The following HMGN5 variants were observed in gnomAD, a reference collection of about 807,000 sequenced individuals.
The protein encoded by HMGN5 is high mobility group nucleosome-binding domain-containing protein 5.
Under a neutral mutation model 9.5 loss-of-function variants are expected in HMGN5, and 4 were observed. The observed-to-expected ratio is 0.42, with a 90% confidence interval of 0.21 to 0.96. The LOEUF is 0.96. Among genes scored for constraint, HMGN5 ranks in the 40% least tolerant of loss-of-function variants. The pLI is 0.30. For missense variants in HMGN5, 192 were observed against 187.5 expected (o/e 1.02, Z -0.14); for synonymous variants, 55 against 57.1 (o/e 0.96, Z 0.16).
At chrX:81,173,301 C>G (rs1009360970) in intron 1 of HMGN5, among the ~76,000 whole-genome samples, 2 of 110,757 alleles carry the variant, frequency 1.8e-5, no homozygotes, top group African/African-American at 6.5e-5. Flanking sequence ...AGTATACTAC[C>G]TTTGTAATAA....
intron 1 of HMGN5, among the ~76,000 whole-genome samples, chrX:81,136,231 G>T (rs987598661): frequency 8.9e-6 from 1 of 111,969 alleles, no homozygotes; most frequent in African/African-American, 3.2e-5. Context: ...CACTTTAAAT[G>T]AGTGAATTAT....
At chrX:81,201,046 G>A (rs771974018) in intron 1 of HMGN5, among the ~76,000 whole-genome samples, 71 of 111,102 alleles carry the variant, frequency 6.4e-4, no homozygotes, top group Non-Finnish European at 1.2e-3. Context: ...ATTTAAGACA[G>A]ATTGGAGAAG....
chrX:81,121,405 G>A, intron 2 of HMGN5, 130 bp downstream of exon 2: 1 of 653,749 alleles, frequency 1.5e-6, no homozygotes, highest in South Asian at 2.4e-5. Flanking sequence ...ACCCCTTTCC[G>A]TTTCATTACA....
chrX:81,200,852 A>G (rs1477575981), intron 1 of HMGN5, among the ~76,000 whole-genome samples: 1 of 111,630 alleles, frequency 9.0e-6, no homozygotes, highest in African/African-American at 3.3e-5. Flanking sequence ...AATTTAAAGT[A>G]TAATTAAAAA....
chrX:81,121,253 A>G (rs1204062209), intron 2 of HMGN5, among the ~76,000 whole-genome samples: 1 of 109,774 alleles, frequency 9.1e-6, no homozygotes, highest in African/African-American at 3.3e-5. Context: ...AGGAAGCGAC[A>G]GCCCAGCGCT....
At chrX:81,170,256 C>G (rs761534831) in intron 1 of HMGN5, among the ~76,000 whole-genome samples, 1 of 110,454 alleles carries the variant, frequency 9.1e-6, no homozygotes, top group South Asian at 3.9e-4. Context: ...CTGAGAGATA[C>G]CCATGTCCCT....
chrX:81,148,301 G>C (rs930324972), intron 1 of HMGN5, among the ~76,000 whole-genome samples: 1 of 111,753 alleles, frequency 8.9e-6, no homozygotes, highest in African/African-American at 3.3e-5. Flanking sequence ...CAATGGAACA[G>C]AACAGAGTCC....
chrX:81,162,049 A>C (rs2075398841), intron 1 of HMGN5, among the ~76,000 whole-genome samples: 1 of 111,276 alleles, frequency 9.0e-6, no homozygotes, highest in Non-Finnish European at 1.9e-5. Context: ...AAATATGTAA[A>C]GCAGTGCCTC....
intron 1 of HMGN5, among the ~76,000 whole-genome samples, chrX:81,185,132 T>G (rs1240689012): frequency 8.9e-6 from 1 of 111,864 alleles, no homozygotes; most frequent in African/African-American, 3.2e-5. Flanking sequence ...CATACAAATT[T>G]TTAGATTTTT....
chrX:81,144,033 G>C (rs990945659), intron 1 of HMGN5, among the ~76,000 whole-genome samples: 4 of 111,546 alleles, frequency 3.6e-5, no homozygotes, highest in East Asian at 2.9e-4. Context: ...CTTCTCCTTG[G>C]GACAGAGCAC....
chrX:81,153,939 C>T (rs1230950963), intron 1 of HMGN5, among the ~76,000 whole-genome samples: 1 of 108,246 alleles, frequency 9.2e-6, no homozygotes, highest in East Asian at 2.9e-4. Context: ...AATGTCCACA[C>T]TACCCTAAGC....
chrX:81,119,728 A>G, intron 3 of HMGN5, 60 bp downstream of exon 3: 1 of 1,008,787 alleles, frequency 9.9e-7, no homozygotes. Flanking sequence ...TTAGCTGCTT[A>G]TGTCAAGTTT....
At chrX:81,125,443 AT>A (rs2075280473) in intron 1 of HMGN5, among the ~76,000 whole-genome samples, 1 of 111,440 alleles carries the variant, frequency 9.0e-6, no homozygotes, top group Non-Finnish European at 1.9e-5. Context: ...GATATCAGAA[AT>A]TTATTTGAAT....
chrX:81,116,739 T>A (rs2075254811), intron 5 of HMGN5, among the ~76,000 whole-genome samples: 1 of 111,851 alleles, frequency 8.9e-6, no homozygotes. Flanking sequence ...GGAACAGGGT[T>A]TTGTTGATCG....
At chrX:81,139,733 G>A (rs2075322724) in intron 1 of HMGN5, among the ~76,000 whole-genome samples, 1 of 111,759 alleles carries the variant, frequency 8.9e-6, no homozygotes, top group South Asian at 3.7e-4. Context: ...GTGCTATTCC[G>A]TTATAGCAGA....
Position 81,178,037 on chromosome X carries a change from C to T in HMGN5, c.-124+23700G>A, listed in dbSNP as rs184483442. Among the ~76,000 whole-genome samples, 5 of 111,846 alleles carry T rather than the reference C, an allele frequency of 4.5e-5. No individual in the cohort carries two copies. The East Asian group carries it at 1.4e-3, about 31-fold the overall frequency. ...CCAATGAGAACAAACACACAACATA[C>T]CAGAATCTCTGGGACACTTTTAAAG... On this transcript the variant is annotated intron_variant, in intron 1 of 6. Transcript: ENST00000358130.
chrX:81,157,073 C>G (rs1289506383), intron 1 of HMGN5, among the ~76,000 whole-genome samples: 1 of 111,688 alleles, frequency 9.0e-6, no homozygotes, highest in East Asian at 2.8e-4. Context: ...TACATGTATG[C>G]AAAGCCTGGC....
intron 1 of HMGN5, among the ~76,000 whole-genome samples, chrX:81,137,905 G>A (rs1352915306): frequency 1.8e-5 from 2 of 111,425 alleles, no homozygotes; most frequent in Non-Finnish European, 3.8e-5. Context: ...GGTAATAAGG[G>A]AGGAATATGA....
chrX:81,190,762 T>A (rs1017923837), intron 1 of HMGN5, among the ~76,000 whole-genome samples: 9 of 111,418 alleles, frequency 8.1e-5, no homozygotes, highest in Non-Finnish European at 1.3e-4. Flanking sequence ...GGGTGTAAAA[T>A]CTCATGTCTA....
Sources: gnomAD v4.1 joint callset for allele counts (sites outside exome capture counted in the v4.1 genomes callset) on GRCh38, gnomAD v4.1.1 for gene constraint, MANE v1.5 for transcripts, NCBI Gene and HGNC (gene_info 2026-07-23, HGNC 2026-07-21) for gene names.